UBASH3B: variants seen among roughly 807,000 people sequenced by gnomAD.
UBASH3B encodes the protein ubiquitin-associated and SH3 domain-containing protein B.
In UBASH3B, 37 loss-of-function variants were observed where a neutral mutation model predicts 83.4. That is an observed-to-expected ratio of 0.44 (90% CI 0.34 to 0.58). The LOEUF (loss-of-function observed/expected upper bound fraction) is 0.58. Ranked by LOEUF, UBASH3B falls within the 20% of genes least tolerant of loss-of-function variation. UBASH3B has a pLI of 0.01. For synonymous variants in UBASH3B, 304 were observed against 318.3 expected, an observed-to-expected ratio of 0.96 and a Z score of 0.48; for missense variants, 657 against 827.2, an observed-to-expected ratio of 0.79 and a Z score of 2.52.
intron 1 of UBASH3B, among the ~76,000 whole-genome samples, chr11:122,704,437 A>G (rs1193890831): frequency 6.6e-6 from 1 of 152,042 alleles, no homozygotes; most frequent in Non-Finnish European, 1.5e-5. Context: ...AGATAAGCGA[A>G]TTCCCCGAGT....
intron 1 of UBASH3B, among the ~76,000 whole-genome samples, chr11:122,704,612 C>T (rs1864091782): frequency 6.6e-6 from 1 of 151,898 alleles, no homozygotes; most frequent in Non-Finnish European, 1.5e-5. Context: ...CAGGTTCAAG[C>T]AATTCTCCTG....
In UBASH3B at chr11:122,667,332, C is replaced by T. The variant is rs954581925; in HGVS notation, c.161+11122C>T. Among the ~76,000 whole-genome samples the T allele has an allele frequency of 6.6e-5, 10 of 152,204 alleles. No individual in the cohort carries two copies. In the East Asian group the frequency reaches 1.5e-3, roughly 24 times the overall value. On this transcript the variant is annotated intron_variant, in intron 1 of 13. Coordinates refer to ENST00000284273, the MANE Select transcript of UBASH3B (RefSeq NM_032873.5). ...AAGTGTTGGGATTACAGATGTGAGC[C>T]GCCGCGCCCAGTCCATTCTTTCTCT...
chr11:122,691,840 G>A (rs1863901638), intron 1 of UBASH3B, among the ~76,000 whole-genome samples: 1 of 152,156 alleles, frequency 6.6e-6, no homozygotes, highest in South Asian at 2.1e-4. Flanking sequence ...GGGGTTCTGT[G>A]TTTTGGGCAG....
At chr11:122,728,237 T>C (rs114700127) in intron 1 of UBASH3B, among the ~76,000 whole-genome samples, 3,444 of 152,284 alleles carry the variant, frequency 0.023, 130 homozygotes, top group African/African-American at 0.075. Flanking sequence ...TGGGGAATAT[T>C]TAGCCGTCCA....
chr11:122,752,790 G>A (rs758612933), intron 1 of UBASH3B, among the ~76,000 whole-genome samples: 3 of 152,192 alleles, frequency 2.0e-5, no homozygotes, highest in Non-Finnish European at 2.9e-5. Flanking sequence ...AGCGACTTGA[G>A]GGCAAGGTCA....
intron 1 of UBASH3B, among the ~76,000 whole-genome samples, chr11:122,660,548 T>C (rs116673600): frequency 0.017 from 2,593 of 152,018 alleles, 62 homozygotes; most frequent in African/African-American, 0.057. Flanking sequence ...CCGGAGAAGA[T>C]GGGACAGGAC....
At chr11:122,673,135 G>A (rs1383760401) in intron 1 of UBASH3B, among the ~76,000 whole-genome samples, 2 of 152,200 alleles carry the variant, frequency 1.3e-5, no homozygotes, top group Non-Finnish European at 2.9e-5. Flanking sequence ...AGCATTTTGG[G>A]AAGGGATTAC....
intron 13 of UBASH3B, 135 bp downstream of exon 13, chr11:122,808,311 C>A: frequency 1.3e-6 from 1 of 773,994 alleles, no homozygotes; most frequent in Non-Finnish European, 2.3e-6. Flanking sequence ...TTCACTCAAC[C>A]AAGATGTATT....
intron 1 of UBASH3B, among the ~76,000 whole-genome samples, chr11:122,690,192 A>T (rs1315202339): frequency 1.7e-3 from 40 of 23,774 alleles, no homozygotes; most frequent in African/African-American, 5.3e-3. Flanking sequence ...ATATATATAT[A>T]TATATATATA....
rs1861153326 is a variant in UBASH3B at position 122,796,181 on chromosome 11, G to A, written c.1139G>A (p.Gly380Asp). Residue 380 changes from glycine to aspartate, a missense_variant, in exon 8 of 14, where the codon GGC becomes GAC. By Grantham distance (94) the Gly-to-Asp change is moderately conservative. Around this residue, in one of 3 missense-constraint regions of UBASH3B, gnomAD observed 573 missense variants for 739.0 expected, o/e 0.78. Transcript: ENST00000284273. ...MQPLRVNSQP[G>D]PQKRCLFVCR... ...CCGCTGAGGGTCAACAGCCAGCCCG[G>A]CCCCCAGAAGCGATGCCTTTTTGTG... is the stretch of plus-strand genomic sequence containing the variant. 1 of 1,613,962 alleles carries A rather than the reference G, an allele frequency of 6.2e-7. No individual in the cohort carries two copies. Among genetic ancestry groups the A allele is most frequent in the Admixed American group, 1.7e-5 (1 of 59,996 alleles).
intron 1 of UBASH3B, among the ~76,000 whole-genome samples, chr11:122,657,608 C>G (rs1863381780): frequency 6.6e-6 from 1 of 152,140 alleles, no homozygotes; most frequent in African/African-American, 2.4e-5. Context: ...CTGGGCAAAC[C>G]TTGTTTATTC....
Position 122,788,957 on chromosome 11 carries a change from C to A in UBASH3B, c.772-143C>A, listed in dbSNP as rs1206361029. ...TCTCTGATAGGAATTCACATCTACT[C>A]AGGGCCTGCAGACCCCAAGGGCTCC... On this transcript the variant is annotated intron_variant, in intron 5 of 13. Coordinates refer to ENST00000284273, the MANE Select transcript of UBASH3B (RefSeq NM_032873.5). The A allele has an allele frequency of 4.3e-6, 3 of 694,142 alleles. No individual in the cohort carries two copies. The African/African-American group carries it at 5.3e-5, about 12-fold the overall frequency. 43.0% of individuals were successfully genotyped at this position (694,142 alleles called of 1,614,324 possible).
intron 1 of UBASH3B, among the ~76,000 whole-genome samples, chr11:122,738,854 C>A (rs147676042): frequency 0.031 from 4,700 of 151,092 alleles, 228 homozygotes; most frequent in African/African-American, 0.1. Flanking sequence ...ACCATTGCAC[C>A]CCAGCCTGGG....
At chr11:122,767,485 A>G (rs890387950) in intron 1 of UBASH3B, among the ~76,000 whole-genome samples, 2 of 151,564 alleles carry the variant, frequency 1.3e-5, no homozygotes, top group Non-Finnish European at 2.9e-5. Context: ...CAATTTTTGT[A>G]TTTTTTTAGT....
At chr11:122,802,647 T>C (rs1256410187) in intron 11 of UBASH3B, among the ~76,000 whole-genome samples, 1 of 152,210 alleles carries the variant, frequency 6.6e-6, no homozygotes, top group Non-Finnish European at 1.5e-5. Flanking sequence ...GATAACCCCA[T>C]TAACTAGTTA....
chr11:122,792,230 G>A (rs959294144), intron 6 of UBASH3B, among the ~76,000 whole-genome samples: 1 of 151,790 alleles, frequency 6.6e-6, no homozygotes, highest in Non-Finnish European at 1.5e-5. Flanking sequence ...ATATGTACAA[G>A]AACGATTCTA....
At chr11:122,727,992 C>CTTATCA (rs1555141145) in intron 1 of UBASH3B, among the ~76,000 whole-genome samples, 1 of 125,300 alleles carries the variant, frequency 8.0e-6, no homozygotes, top group Non-Finnish European at 1.7e-5. Flanking sequence ...TTTAGCCCAT[C>CTTATCA]TTATCATTAT....
chr11:122,730,146 C>T (rs555274362), intron 1 of UBASH3B, among the ~76,000 whole-genome samples: 2 of 152,172 alleles, frequency 1.3e-5, no homozygotes, highest in African/African-American at 4.8e-5. Flanking sequence ...ATTAGTTGGG[C>T]ATGATGGTGT....
At chr11:122,667,326 G>A (rs1267128679) in intron 1 of UBASH3B, among the ~76,000 whole-genome samples, 1 of 151,962 alleles carries the variant, frequency 6.6e-6, no homozygotes, top group Non-Finnish European at 1.5e-5. Context: ...GATTACAGAT[G>A]TGAGCCGCCG....
Sources: gnomAD v4.1 joint callset for allele counts (sites outside exome capture counted in the v4.1 genomes callset) on GRCh38, gnomAD v4.1.1 for gene constraint, gnomAD v4.1.1 regional missense constraint, MANE v1.5 for transcripts, NCBI Gene and HGNC (gene_info 2026-07-23, HGNC 2026-07-21) for gene names.